ZNF57: variants seen among roughly 807,000 people sequenced by gnomAD.
ZNF57 encodes the protein zinc finger protein 57, also known as zinc finger protein 424.
A neutral mutation model predicts 13.4 loss-of-function variants in ZNF57; 11 were observed. That is an observed-to-expected ratio of 0.82 (90% CI 0.52 to 1.36). The LOEUF is 1.36. ZNF57 is among the 40% of genes most tolerant of loss of function. The pLI is 0.00. For synonymous variants in ZNF57, 224 were observed against 238.5 expected, an observed-to-expected ratio of 0.94 and a Z score of 0.56; for missense variants, 696 against 667.5, an observed-to-expected ratio of 1.04 and a Z score of -0.47.
Position 2,917,158 on chromosome 19 carries a change from T to A in ZNF57, c.537T>A (p.Cys179Ter). 6.2e-7 allele frequency: 1 copy of A among 1,614,116 alleles called. No individual in the cohort carries two copies. Among genetic ancestry groups the A allele is most frequent in the Non-Finnish European group, 8.5e-7 (1 of 1,179,996 alleles). Residue 179 changes from cysteine to a stop codon, truncating the protein, a stop_gained, in exon 4 of 4, where the codon TGT (cysteine) becomes TGA (stop). Transcript: ENST00000306908. LOFTEE classifies it low-confidence loss of function (END_TRUNC). Reference protein sequence around the residue: ...PGEECKQACICPSHLHSHGRT... With the variant: ...PGEECKQACI ...AGGAATGTAAGCAGGCCTGCATTTG[T>A]CCCTCACACCTACACAGTCACGGAA...
chr19:2,904,991 G>A (rs558188067), intron 1 of ZNF57, among the ~76,000 whole-genome samples: 2 of 152,292 alleles, frequency 1.3e-5, no homozygotes, highest in East Asian at 1.9e-4. Flanking sequence ...AGTTGATGTG[G>A]ATGTTCCTTA....
At position 2,918,360 on chromosome 19, in the gene ZNF57, C is replaced by T. The variant is rs1409425387; in HGVS notation, c.*71C>T. 58 of 1,466,342 alleles carry T rather than the reference C, an allele frequency of 4.0e-5. No homozygotes were observed. The East Asian group carries it at 1.3e-3, about 33-fold the overall frequency. The allele number at this position is 1,466,342 out of a possible 1,614,324, so 90.8% of individuals were successfully genotyped here. A position where few individuals can be genotyped will look rare whatever the true frequency, so the allele number is the denominator to read the frequency against. ...GTATAATGCTCCAGAAAATTCACAC[C>T]AGGAGAGAAATCTTACAAGTATGAT... On this transcript the variant is annotated 3_prime_UTR_variant, in exon 4 of 4. Coordinates refer to ENST00000306908, the MANE Select transcript of ZNF57 (RefSeq NM_173480.3).
chr19:2,913,420 GT>G lies in ZNF57; in HGVS notation c.4-2100del, dbSNP rs549655232. On this transcript the variant is annotated intron_variant, in intron 1 of 3. Coordinates refer to ENST00000306908, the MANE Select transcript of ZNF57 (RefSeq NM_173480.3). Reference sequence around the variant, plus strand: ...ATTGTGTCGAGGTGGACCACGTTAGGTTGTTGATTTGCAATCTTTAGGATAG... The same window carrying G: ...ATTGTGTCGAGGTGGACCACGTTAGGTGTTGATTTGCAATCTTTAGGATAG... Among the ~76,000 whole-genome samples the G allele has an allele frequency of 2.4e-3, 360 of 152,116 alleles. No homozygotes were observed. In the South Asian group the frequency reaches 0.024, roughly 10 times the overall value.
intron 3 of ZNF57, 48 bp from the exon 4 acceptor site, chr19:2,916,876 A>G (rs752203780): frequency 6.8e-7 from 1 of 1,468,688 alleles, no homozygotes; most frequent in Non-Finnish European, 9.2e-7. Context: ...ATCTCAACAC[A>G]TCATTACTAA....
At position 2,918,180 on chromosome 19, in the gene ZNF57, G is replaced by A. The variant is rs200086476; in HGVS notation, c.1559G>A (p.Arg520Gln). Residue 520 changes from arginine (R) to glutamine (Q), a missense_variant, in exon 4 of 4, where the codon CGG becomes CAG. Arg to Gln is a conservative substitution (Grantham distance 43). Around this residue, in one of 3 missense-constraint regions of ZNF57, gnomAD observed 645 missense variants for 591.5 expected, o/e 1.09. Transcript: ENST00000306908. ...GMSFKWHSSFRNHLRMHTGQK... is the reference protein window; with the variant it reads ...GMSFKWHSSFQNHLRMHTGQK... Reference sequence around the variant, plus strand: ...TCCTTCAAGTGGCACTCCTCCTTCCGGAACCATCTGAGGATGCACACAGGA... The same window carrying A: ...TCCTTCAAGTGGCACTCCTCCTTCCAGAACCATCTGAGGATGCACACAGGA... 54 of 1,614,096 alleles carry A rather than the reference G, an allele frequency of 3.3e-5. No individual in the cohort carries two copies. The East Asian group carries it at 7.6e-4, about 23-fold the overall frequency.
At chr19:2,914,506 C>T (rs955536954) in intron 1 of ZNF57, among the ~76,000 whole-genome samples, 5 of 152,008 alleles carry the variant, frequency 3.3e-5, no homozygotes, top group African/African-American at 1.2e-4. Flanking sequence ...CTGCCTGCCT[C>T]GGCCTCCCAA....
chr19:2,915,995 T>C (rs2144934622), intron 2 of ZNF57, 83 bp from the exon 3 acceptor site: 1 of 1,472,502 alleles, frequency 6.8e-7, no homozygotes, highest in East Asian at 2.3e-5. Context: ...GATGAGGTCC[T>C]CAAAATGCTA....
chr19:2,916,665 G>A (rs1303942149), intron 3 of ZNF57: 5 of 286,552 alleles, frequency 1.7e-5, no homozygotes, highest in Non-Finnish European at 3.2e-5. Context: ...GCAGTGAGCT[G>A]AGATTGCGCC....
At position 2,915,648 on chromosome 19, in the gene ZNF57, G is replaced by T; in HGVS notation, c.130G>T (p.Asp44Tyr). Residue 44 changes from aspartate to tyrosine, a missense_variant and splice_region_variant, in exon 2 of 4, where the codon GAT (aspartate) becomes TAT (tyrosine). Coordinates refer to ENST00000306908, the MANE Select transcript of ZNF57 (RefSeq NM_173480.3). Reference sequence around the variant, plus strand: ...GACCTTCCGGAACCTGGCCTCAGTAGGTGAGGATGGCATCATTCCTTCCCT... The same window carrying T: ...GACCTTCCGGAACCTGGCCTCAGTATGTGAGGATGGCATCATTCCTTCCCT... ...LETFRNLASV[D>Y]DGTQFKANGS... The T allele has an allele frequency of 6.2e-7, 1 of 1,613,782 alleles. No homozygotes were observed. The highest frequency in any genetic ancestry group is 8.5e-7 in the Non-Finnish European group (1 of 1,179,768).
Position 2,901,160 on chromosome 19 carries a change from G to A in ZNF57, c.3+112G>A. 4 of 1,366,636 alleles carry A rather than the reference G, an allele frequency of 2.9e-6. No individual in the cohort carries two copies. The South Asian group carries it at 4.4e-5, about 15-fold the overall frequency. 84.7% of individuals were successfully genotyped at this position (1,366,636 alleles called of 1,614,324 possible). A position where few individuals can be genotyped will look rare whatever the true frequency, so the allele number is the denominator to read the frequency against. ...GATTGGCTGAGGGACGCGCGGGGCG[G>A]CGCAGGACTAGCACCTGGGACCCGG... On this transcript the variant is annotated intron_variant, in intron 1 of 3. Coordinates refer to ENST00000306908, the MANE Select transcript of ZNF57 (RefSeq NM_173480.3).
chr19:2,915,776 A>T, intron 2 of ZNF57, 128 bp downstream of exon 2: 6 of 1,407,316 alleles, frequency 4.3e-6, no homozygotes, highest in Non-Finnish European at 5.0e-6. Context: ...TGGACCTAGA[A>T]TCTAGTCATT....
intron 1 of ZNF57, among the ~76,000 whole-genome samples, chr19:2,912,911 A>G (rs2088152720): frequency 6.6e-6 from 1 of 151,998 alleles, no homozygotes; most frequent in Non-Finnish European, 1.5e-5. Context: ...CTAATTACTG[A>G]CAATGTTTAT....
chr19:2,909,094 A>T (rs2088105816), intron 1 of ZNF57, among the ~76,000 whole-genome samples: 1 of 151,940 alleles, frequency 6.6e-6, no homozygotes, highest in African/African-American at 2.4e-5. Flanking sequence ...TTTGTTTATC[A>T]GTTGATCAAC....
Position 2,915,586 on chromosome 19 carries a change from C to T in ZNF57, c.68C>T (p.Ser23Phe). ...FTLEEWALLD[S>F]AQRDLYRDVM... Reference sequence around the variant, plus strand: ...CTGGAGGAGTGGGCTTTGCTGGATTCTGCTCAGAGGGACCTCTACAGAGAT... The same window carrying T: ...CTGGAGGAGTGGGCTTTGCTGGATTTTGCTCAGAGGGACCTCTACAGAGAT... Residue 23 changes from serine (S) to phenylalanine (F), a missense_variant, in exon 2 of 4, where the codon TCT becomes TTT. This residue lies in a region of ZNF57 where 43 missense variants were observed against 53.5 expected (regional missense o/e 0.80). Coordinates refer to ENST00000306908, the MANE Select transcript of ZNF57 (RefSeq NM_173480.3). 6.2e-7 allele frequency: 1 copy of T among 1,614,056 alleles called. No individual in the cohort carries two copies. Among genetic ancestry groups the T allele is most frequent in the South Asian group, 1.1e-5 (1 of 91,084 alleles).
chr19:2,916,831 T>C, intron 3 of ZNF57, 93 bp from the exon 4 acceptor site: 1 of 1,134,770 alleles, frequency 8.8e-7, no homozygotes, highest in Non-Finnish European at 1.2e-6. Flanking sequence ...TATACTGAAA[T>C]GTAGTTAGAC....
At position 2,918,217 on chromosome 19, in the gene ZNF57, C is replaced by A; in HGVS notation, c.1596C>A (p.His532Gln). Reference protein sequence around the residue: ...HLRMHTGQKSHECQSYSKAFS... With the variant: ...HLRMHTGQKSQECQSYSKAFS... ...GGATGCACACAGGACAGAAATCCCA[C>A]GAATGTCAGTCATACTCAAAAGCCT... Residue 532 changes from histidine (H) to glutamine (Q), a missense_variant, in exon 4 of 4, where the codon CAC becomes CAA. This residue lies in a region of ZNF57 where 645 missense variants were observed against 591.5 expected (regional missense o/e 1.09). Transcript: ENST00000306908. 6.2e-7 allele frequency: 1 copy of A among 1,614,096 alleles called. No individual in the cohort carries two copies. The highest frequency in any genetic ancestry group is 1.1e-5 in the South Asian group (1 of 91,060).
intron 1 of ZNF57, among the ~76,000 whole-genome samples, chr19:2,911,197 G>C (rs964188595): frequency 1.3e-5 from 2 of 152,012 alleles, no homozygotes; most frequent in African/African-American, 2.4e-5. Flanking sequence ...CAAGTAGCTA[G>C]GACCACAGGG....
chr19:2,915,417 G>T, intron 1 of ZNF57, 105 bp from the exon 2 acceptor site: 2 of 1,450,306 alleles, frequency 1.4e-6, no homozygotes, highest in Non-Finnish European at 9.4e-7. Flanking sequence ...CATAGAGGAG[G>T]TGTTGGGACA....
rs1193956283 is a variant in ZNF57, at chr19:2,917,753, A to G, written c.1132A>G (p.Thr378Ala). 1.2e-6 allele frequency: 2 copies of G among 1,613,644 alleles called. No homozygotes were observed. Among genetic ancestry groups the G allele is most frequent in the East Asian group, 2.2e-5 (1 of 44,848 alleles). ...QCGKAFTWSS[T>A]FREHVRIHTQ... Reference sequence around the variant, plus strand: ...TGGGAAAGCCTTCACTTGGTCCTCAACGTTTAGAGAACATGTGAGAATTCA... The same window carrying G: ...TGGGAAAGCCTTCACTTGGTCCTCAGCGTTTAGAGAACATGTGAGAATTCA... The change falls in exon 4 of 4, where the codon ACG (threonine) becomes GCG (alanine). Residue 378 changes from threonine (T) to alanine (A), a missense_variant. Physicochemically the swap from Thr to Ala is moderately conservative, Grantham distance 58. Around this residue, in one of 3 missense-constraint regions of ZNF57, gnomAD observed 645 missense variants for 591.5 expected, o/e 1.09. Transcript: ENST00000306908.
Sources: allele counts gnomAD v4.1 joint callset (sites outside exome capture counted in the v4.1 genomes callset), GRCh38; gene constraint gnomAD v4.1.1; regional missense constraint gnomAD v4.1.1; transcripts MANE v1.5; gene names NCBI Gene and HGNC (gene_info 2026-07-23, HGNC 2026-07-21).